Variants in RASSF2 observed in about 807,000 individuals in gnomAD.
RASSF2 encodes Ras association domain family member 2.
Under a neutral mutation model 46.3 loss-of-function variants are expected in RASSF2, and 34 were observed. The observed-to-expected ratio is 0.73, with a 90% CI of 0.56 to 0.98. The LOEUF is 0.98. Ranked by LOEUF, RASSF2 falls within the 50% of genes least tolerant of loss-of-function variation. The pLI is 0.00. For missense variants in RASSF2, 364 were observed against 431.2 expected (o/e 0.84, Z 1.38); for synonymous variants, 158 against 162.5 (o/e 0.97, Z 0.21).
At chr20:4,809,955 G>A (rs921413293) in intron 2 of RASSF2, among the ~76,000 whole-genome samples, 1 of 152,224 alleles carries the variant, frequency 6.6e-6, no homozygotes, top group Non-Finnish European at 1.5e-5. Context: ...CCCTGCAAGA[G>A]CAATTCTCAG....
At chr20:4,813,231 G>A (rs114940638) in intron 2 of RASSF2, among the ~76,000 whole-genome samples, 3,048 of 152,194 alleles carry the variant, frequency 0.02, 90 homozygotes, top group African/African-American at 0.069. Context: ...CATCCCCGGA[G>A]CTGCCCCTGC....
rs1925697036 is a variant in RASSF2, at chr20:4,789,700, G to T, written c.538-3C>A. ...TAGGCTGGTGTGAACACGGATGTCT[G>T]TCAATAGAAGGGCCCAGCTCAGGGT... On this transcript the variant is annotated splice_polypyrimidine_tract_variant and splice_region_variant and intron_variant, in intron 7 of 11. Coordinates refer to ENST00000379400, the MANE Select transcript of RASSF2 (RefSeq NM_014737.3). 1.9e-6 allele frequency: 3 copies of T among 1,613,330 alleles called. No homozygotes were observed. Among genetic ancestry groups the T allele is most frequent in the Non-Finnish European group, 2.5e-6 (3 of 1,179,492 alleles).
intron 2 of RASSF2, among the ~76,000 whole-genome samples, chr20:4,815,959 G>A (rs895149319): frequency 5.3e-5 from 8 of 152,312 alleles, no homozygotes; most frequent in Admixed American, 1.3e-4. Flanking sequence ...GCTGTCTCCC[G>A]GGGCTTTCCT....
chr20:4,794,179 C>T lies in RASSF2; in HGVS notation c.288-1552G>A, dbSNP rs868839672. On this transcript the variant is annotated intron_variant, in intron 5 of 11. Coordinates refer to ENST00000379400, the MANE Select transcript of RASSF2 (RefSeq NM_014737.3). The stretch of plus-strand genomic sequence containing the variant: ...GTGGCTCACACCTGTAATCCCAGCA[C>T]GTTGGGAAGTCAAGGTGGGAGGATT... Among the ~76,000 whole-genome samples the T allele has an allele frequency of 2.8e-4, 43 of 152,046 alleles. 1 individual carries two copies. Among genetic ancestry groups the T allele is most frequent in the Admixed American group, 2.8e-3 (42 of 15,268 alleles).
At chr20:4,800,885 G>T in intron 3 of RASSF2, 87 bp downstream of exon 3, 2 of 1,108,120 alleles carry the variant, frequency 1.8e-6, no homozygotes, top group Non-Finnish European at 2.8e-6. Flanking sequence ...ACAGTGGGGG[G>T]CCCTCTGCCA....
intron 3 of RASSF2, among the ~76,000 whole-genome samples, chr20:4,799,089 T>C (rs1016731393): frequency 6.6e-6 from 1 of 152,134 alleles, no homozygotes; most frequent in Non-Finnish European, 1.5e-5. Flanking sequence ...TTCAGGATAG[T>C]GGTTCACCTT....
intron 2 of RASSF2, among the ~76,000 whole-genome samples, chr20:4,815,793 G>A (rs1202511838): frequency 6.6e-6 from 1 of 152,326 alleles, no homozygotes; most frequent in East Asian, 1.9e-4. Flanking sequence ...GCTGTGGTCA[G>A]CTCCCAAGCC....
At chr20:4,807,718 C>T (rs1162982085) in intron 2 of RASSF2, among the ~76,000 whole-genome samples, 1 of 152,202 alleles carries the variant, frequency 6.6e-6, no homozygotes, top group East Asian at 1.9e-4. Flanking sequence ...GTCATGTTGC[C>T]CCATCTTTGT....
At chr20:4,814,001 G>A (rs1928070768) in intron 2 of RASSF2, among the ~76,000 whole-genome samples, 1 of 152,194 alleles carries the variant, frequency 6.6e-6, no homozygotes, top group Non-Finnish European at 1.5e-5. Context: ...GACCCAAGGG[G>A]AGAGTGGAAA....
At chr20:4,810,828 G>A (rs932224188) in intron 2 of RASSF2, among the ~76,000 whole-genome samples, 2 of 152,200 alleles carry the variant, frequency 1.3e-5, no homozygotes, top group Non-Finnish European at 2.9e-5. Flanking sequence ...CTCTGAGACA[G>A]GCTTGGGGAG....
chr20:4,801,172 C>T (rs1926837829), intron 2 of RASSF2, 110 bp from the exon 3 acceptor site: 1 of 735,114 alleles, frequency 1.4e-6, no homozygotes, highest in Non-Finnish European at 2.3e-6. Context: ...GCTCTCCGTT[C>T]CTCCCCACCC....
At chr20:4,820,102 C>G (rs1348699229) in intron 2 of RASSF2, among the ~76,000 whole-genome samples, 2 of 152,202 alleles carry the variant, frequency 1.3e-5, no homozygotes, top group South Asian at 4.1e-4. Flanking sequence ...CCCCATTCAC[C>G]AACCCCCGCC....
chr20:4,802,907 TA>T (rs1568574050), intron 2 of RASSF2, among the ~76,000 whole-genome samples: 8 of 77,622 alleles, frequency 1.0e-4, no homozygotes, highest in Non-Finnish European at 1.6e-4. Flanking sequence ...CATATATATA[TA>T]TATATATTTT....
At chr20:4,797,496 T>C (rs1007869085) in intron 4 of RASSF2, among the ~76,000 whole-genome samples, 4 of 152,100 alleles carry the variant, frequency 2.6e-5, no homozygotes, top group African/African-American at 4.8e-5. Flanking sequence ...ATGAGTAAGC[T>C]CAGTTTCAGG....
chr20:4,788,182 G>T, intron 9 of RASSF2, 35 bp downstream of exon 9: 1 of 1,521,058 alleles, frequency 6.6e-7, no homozygotes, highest in Non-Finnish European at 9.1e-7. Flanking sequence ...GAGTTAATTA[G>T]AAGTTTTAAA....
Position 4,782,270 on chromosome 20 carries a change from A to G in RASSF2, c.*2003T>C, listed in dbSNP as rs1256548636. The G allele has an allele frequency of 6.6e-6, 1 of 152,656 alleles. No homozygotes were observed. Among genetic ancestry groups the G allele is most frequent in the African/African-American group, 2.4e-5 (1 of 41,470 alleles). The allele number at this position is 152,656 out of a possible 1,614,324, so 9.5% of individuals were successfully genotyped here. On this transcript the variant is annotated 3_prime_UTR_variant, in exon 12 of 12. Coordinates refer to ENST00000379400, the MANE Select transcript of RASSF2 (RefSeq NM_014737.3). ...TTGCTTTGTGGAAATTCTTCTCCCA[A>G]GTCCTCCAAGGAGAATTACTGGGGC...
chr20:4,802,899 T>C (rs868357359), intron 2 of RASSF2, among the ~76,000 whole-genome samples: 12 of 96,456 alleles, frequency 1.2e-4, no homozygotes, highest in African/African-American at 3.5e-4. Flanking sequence ...TATATATACA[T>C]ATATATATAT....
intron 4 of RASSF2, among the ~76,000 whole-genome samples, chr20:4,797,095 G>T (rs976658076): frequency 6.6e-6 from 1 of 152,188 alleles, no homozygotes; most frequent in East Asian, 1.9e-4. Context: ...GTGCTTAGGC[G>T]TCTCAGGGAG....
chr20:4,804,839 G>A (rs1927211282), intron 2 of RASSF2, among the ~76,000 whole-genome samples: 1 of 152,134 alleles, frequency 6.6e-6, no homozygotes, highest in Admixed American at 6.6e-5. Context: ...GGGGATGTGT[G>A]GGGGCAGAGG....
Sources: allele counts gnomAD v4.1 joint callset (sites outside exome capture counted in the v4.1 genomes callset), GRCh38; gene constraint gnomAD v4.1.1; transcripts MANE v1.5; gene names NCBI Gene and HGNC (gene_info 2026-07-23, HGNC 2026-07-21).